NRXN1: variants seen among roughly 807,000 people sequenced by gnomAD.
The protein encoded by NRXN1 is neurexin 1.
NRXN1 carries 39 observed loss-of-function variants against 150.9 expected under a neutral mutation model. The ratio of observed to expected loss-of-function variants is 0.26; its 90% CI spans 0.20 to 0.34. The LOEUF (loss-of-function observed/expected upper bound fraction) is 0.34, where lower values mean the gene tolerates loss of function less well. Ranked by LOEUF, NRXN1 falls within the 10% of genes least tolerant of loss-of-function variation. The pLI is 1.00. For synonymous variants in NRXN1, 924 were observed against 757.0 expected, an observed-to-expected ratio of 1.22 and a Z score of -3.62; for missense variants, 1,815 against 1,949.9, an observed-to-expected ratio of 0.93 and a Z score of 1.30.
At chr2:50,405,364 G>A (rs187482821) in intron 17 of NRXN1, among the ~76,000 whole-genome samples, 1 of 152,098 alleles carries the variant, frequency 6.6e-6, no homozygotes, top group Non-Finnish European at 1.5e-5. Context: ...GCAAACAATG[G>A]TGTCTCTTCA....
chr2:50,763,478 A>G (rs1352873237), intron 5 of NRXN1, among the ~76,000 whole-genome samples: 1 of 151,970 alleles, frequency 6.6e-6, no homozygotes, highest in African/African-American at 2.4e-5. Context: ...AGCTTAATTA[A>G]TAGTTTCTCT....
At chr2:50,356,524 C>T (rs1295992406) in intron 17 of NRXN1, among the ~76,000 whole-genome samples, 1 of 152,170 alleles carries the variant, frequency 6.6e-6, no homozygotes, top group Non-Finnish European at 1.5e-5. Flanking sequence ...TACTTTCCCT[C>T]ACATTTTCTC....
chr2:50,954,505 G>A (rs567669057), intron 2 of NRXN1, among the ~76,000 whole-genome samples: 2 of 152,282 alleles, frequency 1.3e-5, no homozygotes, highest in South Asian at 2.1e-4. Context: ...AGGAATTAGG[G>A]CATAGACAGA....
intron 21 of NRXN1, among the ~76,000 whole-genome samples, chr2:49,972,048 A>G (rs1678052634): frequency 6.6e-6 from 1 of 152,202 alleles, no homozygotes; most frequent in Admixed American, 6.6e-5. Flanking sequence ...GCATTTAAAC[A>G]TTTTAAATTT....
intron 18 of NRXN1, among the ~76,000 whole-genome samples, chr2:50,092,264 G>T (rs923493223): frequency 6.6e-6 from 1 of 152,260 alleles, no homozygotes; most frequent in South Asian, 2.1e-4. Context: ...CTATAAAGTT[G>T]TTGCTGTTAA....
chr2:50,449,224 A>G (rs753276521), intron 17 of NRXN1, among the ~76,000 whole-genome samples: 2 of 152,236 alleles, frequency 1.3e-5, no homozygotes, highest in Admixed American at 6.5e-5. Context: ...AGCCTGCTAA[A>G]CCAGTGGAGA....
At chr2:50,471,087 T>G (rs894603649) in intron 16 of NRXN1, among the ~76,000 whole-genome samples, 2 of 151,822 alleles carry the variant, frequency 1.3e-5, no homozygotes, top group African/African-American at 4.8e-5. Flanking sequence ...ATAGATTTAC[T>G]TATTTTTATT....
chr2:50,442,437 G>A (rs940343801), intron 17 of NRXN1, among the ~76,000 whole-genome samples: 1 of 152,090 alleles, frequency 6.6e-6, no homozygotes, highest in Admixed American at 6.6e-5. Flanking sequence ...TATTGCTGAA[G>A]TTTCAAGTTA....
intron 17 of NRXN1, among the ~76,000 whole-genome samples, chr2:50,304,831 G>C (rs896117687): frequency 6.6e-6 from 1 of 151,998 alleles, no homozygotes; most frequent in Non-Finnish European, 1.5e-5. Flanking sequence ...GGTGGCTCAC[G>C]CTATAATCCC....
At chr2:50,583,965 T>G (rs1040634602) in intron 8 of NRXN1, among the ~76,000 whole-genome samples, 7 of 152,340 alleles carry the variant, frequency 4.6e-5, no homozygotes, top group South Asian at 2.1e-4. Flanking sequence ...GACATTTGGT[T>G]GGAGCCCAAT....
At chr2:50,237,525 C>T (rs1005670466) in intron 17 of NRXN1, among the ~76,000 whole-genome samples, 4 of 151,684 alleles carry the variant, frequency 2.6e-5, no homozygotes, top group Admixed American at 1.3e-4. Flanking sequence ...CAAGAAAATA[C>T]AGATAATAGA....
intron 21 of NRXN1, chr2:50,019,297 G>C (rs1687117579): frequency 2.1e-6 from 1 of 471,322 alleles, no homozygotes; most frequent in South Asian, 1.5e-5. Context: ...TTGAGGACAG[G>C]GATATGTTTA....
At chr2:50,742,192 A>C (rs1699507570) in intron 5 of NRXN1, among the ~76,000 whole-genome samples, 1 of 152,128 alleles carries the variant, frequency 6.6e-6, no homozygotes, top group Admixed American at 6.5e-5. Context: ...CCTTTGACTA[A>C]ATGTTTCAAA....
chr2:50,420,484 G>T (rs2083899494), intron 17 of NRXN1, among the ~76,000 whole-genome samples: 1 of 151,902 alleles, frequency 6.6e-6, no homozygotes, highest in African/African-American at 2.4e-5. Flanking sequence ...GGCAACTAAA[G>T]TTATCATTGA....
chr2:50,779,466 T>TGCA (rs1356330248), intron 5 of NRXN1, among the ~76,000 whole-genome samples: 1 of 152,096 alleles, frequency 6.6e-6, no homozygotes, highest in East Asian at 1.9e-4. Context: ...TTGTGAACAG[T>TGCA]GCAGCAATAA....
chr2:50,057,239 C>T (rs994897568), intron 19 of NRXN1, among the ~76,000 whole-genome samples: 3 of 152,134 alleles, frequency 2.0e-5, no homozygotes, highest in African/African-American at 7.2e-5. Context: ...CCTCACTCTG[C>T]TCTTTTTATC....
chr2:50,143,746 T>C (rs915927997), intron 18 of NRXN1, among the ~76,000 whole-genome samples: 2 of 151,566 alleles, frequency 1.3e-5, no homozygotes, highest in Admixed American at 1.3e-4. Flanking sequence ...CCACTTCTTC[T>C]AGATGCTGGC....
intron 5 of NRXN1, among the ~76,000 whole-genome samples, chr2:50,874,176 T>C (rs1424748643): frequency 6.6e-6 from 1 of 151,896 alleles, no homozygotes; most frequent in Admixed American, 6.6e-5. Context: ...ATGACTCTCT[T>C]GTCTTAGTTC....
At chr2:50,593,700 A>G (rs1268739165) in intron 8 of NRXN1, among the ~76,000 whole-genome samples, 2 of 152,192 alleles carry the variant, frequency 1.3e-5, no homozygotes, top group Non-Finnish European at 2.9e-5. Context: ...CTTTTGACTT[A>G]TTTAAAAACA....
Sources: allele counts gnomAD v4.1 joint callset (sites outside exome capture counted in the v4.1 genomes callset), GRCh38; gene constraint gnomAD v4.1.1; transcripts MANE v1.5; gene names NCBI Gene and HGNC (gene_info 2026-07-23, HGNC 2026-07-21).